CNTNAP4: variants seen among roughly 807,000 people sequenced by gnomAD.
The protein encoded by CNTNAP4 is contactin associated protein family member 4.
A neutral mutation model predicts 148.4 loss-of-function variants in CNTNAP4; 98 were observed. The ratio of observed to expected loss-of-function variants is 0.66; its 90% CI spans 0.56 to 0.78. The LOEUF is 0.78. Among genes scored for constraint, CNTNAP4 ranks in the 30% least tolerant of loss-of-function variants. The pLI, the probability that CNTNAP4 is intolerant of heterozygous loss-of-function variation, is 0.00. For missense variants in CNTNAP4, 1,935 were observed against 1,565.6 expected, an observed-to-expected ratio of 1.24 and a Z score of -3.98; for synonymous variants, 730 against 565.1, an observed-to-expected ratio of 1.29 and a Z score of -4.14.
At chr16:76,543,307 C>A (rs2084543983) in intron 21 of CNTNAP4, among the ~76,000 whole-genome samples, 1 of 152,132 alleles carries the variant, frequency 6.6e-6, no homozygotes, top group South Asian at 2.1e-4. Flanking sequence ...GAATTTATAG[C>A]AACATGTTAC....
intron 10 of CNTNAP4, among the ~76,000 whole-genome samples, chr16:76,471,721 T>C (rs1044267168): frequency 1.4e-4 from 22 of 152,294 alleles, no homozygotes; most frequent in Non-Finnish European, 2.9e-4. Context: ...TTCCAGTTGA[T>C]TTGAAGATCG....
chr16:76,420,110 TGTG>T (rs1448324580), intron 3 of CNTNAP4, among the ~76,000 whole-genome samples: 2 of 151,918 alleles, frequency 1.3e-5, no homozygotes, highest in Non-Finnish European at 2.9e-5. Flanking sequence ...TCTTTTTTCT[TGTG>T]GTGCAGTGTA....
chr16:76,537,951 T>A (rs1428103808), intron 18 of CNTNAP4, among the ~76,000 whole-genome samples, 165 bp from the exon 19 acceptor site: 3 of 152,090 alleles, frequency 2.0e-5, no homozygotes, highest in Non-Finnish European at 4.4e-5. Context: ...ATTTCAAAGA[T>A]CATTTTGAAA....
At chr16:76,451,377 A>G (rs748008323) in intron 7 of CNTNAP4, among the ~76,000 whole-genome samples, 9 of 152,164 alleles carry the variant, frequency 5.9e-5, no homozygotes, top group Non-Finnish European at 2.9e-5. Context: ...TGATTTGAAT[A>G]AATTTCTTTC....
At chr16:76,284,967 G>A (rs1036635699) in intron 1 of CNTNAP4, among the ~76,000 whole-genome samples, 4 of 151,986 alleles carry the variant, frequency 2.6e-5, no homozygotes, top group Non-Finnish European at 5.9e-5. Flanking sequence ...TTTCCAAAAC[G>A]TCTTTTGTTA....
chr16:76,510,397 C>T (rs982632017), intron 15 of CNTNAP4, among the ~76,000 whole-genome samples: 1 of 151,868 alleles, frequency 6.6e-6, no homozygotes, highest in Non-Finnish European at 1.5e-5. Context: ...AATCACTCAT[C>T]AGTTCATGGA....
rs1431178257 is a variant in CNTNAP4 at position 76,522,724 on chromosome 16, T to TC, written c.2755+467_2755+468insC. 2.2e-3 allele frequency among the ~76,000 whole-genome samples: 168 copies of TC among 76,224 alleles called. 7 individuals carry two copies. The highest frequency in any genetic ancestry group is 4.6e-3 in the African/African-American group (73 of 15,812). The allele number at this position is 76,224 out of a possible 152,430, so 50.0% of individuals were successfully genotyped here. Reference sequence around the variant, plus strand: ...TTCTTTTCTTTTCTTTTCTTTTCTTTTCTTTTCTTTTCTTTTCTTTTCTTT... The same window carrying TC: ...TTCTTTTCTTTTCTTTTCTTTTCTTTCTCTTTTCTTTTCTTTTCTTTTCTTT... On this transcript the variant is annotated intron_variant, in intron 17 of 23. Transcript: ENST00000611870.
At chr16:76,362,880 A>G (rs1295317743) in intron 3 of CNTNAP4, among the ~76,000 whole-genome samples, 2 of 152,196 alleles carry the variant, frequency 1.3e-5, no homozygotes, top group Admixed American at 6.5e-5. Context: ...ACAAACCTGC[A>G]CATGTATGCC....
intron 3 of CNTNAP4, among the ~76,000 whole-genome samples, chr16:76,374,850 C>T (rs1005302260): frequency 2.0e-5 from 3 of 151,696 alleles, no homozygotes; most frequent in Non-Finnish European, 4.4e-5. Flanking sequence ...CTCACAGCAA[C>T]CTCTGCCTCC....
intron 3 of CNTNAP4, among the ~76,000 whole-genome samples, chr16:76,416,539 A>G (rs4384623): frequency 0.35 from 52,790 of 150,976 alleles, 10,883 homozygotes; most frequent in Non-Finnish European, 0.44. Context: ...TCAGATGTTT[A>G]GGAACTTTCT....
intron 2 of CNTNAP4, among the ~76,000 whole-genome samples, chr16:76,348,883 G>C (rs1389156122): frequency 6.6e-6 from 1 of 151,422 alleles, no homozygotes; most frequent in South Asian, 2.1e-4. Context: ...ATGGGGTCAA[G>C]AGAAGTTTTT....
intron 15 of CNTNAP4, among the ~76,000 whole-genome samples, chr16:76,500,653 T>C (rs2082602115): frequency 6.6e-6 from 1 of 151,842 alleles, no homozygotes; most frequent in Admixed American, 6.6e-5. Context: ...TCTGTGTGCA[T>C]TTACTTTAAA....
intron 1 of CNTNAP4, among the ~76,000 whole-genome samples, chr16:76,305,591 C>T (rs1372943690): frequency 6.6e-6 from 1 of 152,108 alleles, no homozygotes; most frequent in African/African-American, 2.4e-5. Flanking sequence ...CCGACCTGAC[C>T]ATGGGAAGTG....
chr16:76,435,744 C>G (rs549407664), intron 4 of CNTNAP4, among the ~76,000 whole-genome samples: 1 of 152,114 alleles, frequency 6.6e-6, no homozygotes, highest in Non-Finnish European at 1.5e-5. Context: ...GCTTCCAGCT[C>G]GCTCACAGTG....
chr16:76,294,902 G>C (rs558281628), intron 1 of CNTNAP4, among the ~76,000 whole-genome samples: 1 of 152,158 alleles, frequency 6.6e-6, no homozygotes, highest in Non-Finnish European at 1.5e-5. Flanking sequence ...GATACACAAT[G>C]CTTTTGTGAC....
intron 7 of CNTNAP4, among the ~76,000 whole-genome samples, chr16:76,450,444 C>T (rs1171924272): frequency 6.6e-6 from 1 of 152,184 alleles, no homozygotes; most frequent in Non-Finnish European, 1.5e-5. Context: ...GCCACTATGC[C>T]CAGCCTGCTC....
chr16:76,424,835 T>C (rs545607563), intron 3 of CNTNAP4, among the ~76,000 whole-genome samples: 3 of 152,108 alleles, frequency 2.0e-5, no homozygotes, highest in Non-Finnish European at 4.4e-5. Context: ...ACAAAATCAA[T>C]GCTCAGGCTA....
chr16:76,451,689 G>A (rs1176628952), intron 7 of CNTNAP4, among the ~76,000 whole-genome samples: 1 of 148,226 alleles, frequency 6.7e-6, no homozygotes, highest in African/African-American at 2.5e-5. Context: ...ACTCTTCATT[G>A]GCAAGAGGAT....
chr16:76,481,762 A>G (rs1304519757), intron 12 of CNTNAP4, among the ~76,000 whole-genome samples: 1 of 152,198 alleles, frequency 6.6e-6, no homozygotes, highest in East Asian at 1.9e-4. Context: ...TGAAGAACAT[A>G]TCTTTCGGGC....
Sources: allele counts gnomAD v4.1 joint callset (sites outside exome capture counted in the v4.1 genomes callset), GRCh38; gene constraint gnomAD v4.1.1; transcripts MANE v1.5; gene names NCBI Gene and HGNC (gene_info 2026-07-23, HGNC 2026-07-21).